DRD2: variants seen among roughly 807,000 people sequenced by gnomAD.
DRD2 encodes the protein D(2) dopamine receptor.
Under a neutral mutation model 38.0 loss-of-function variants are expected in DRD2, and 8 were observed. The observed-to-expected ratio is 0.21, with a 90% CI of 0.12 to 0.38. DRD2 has a LOEUF of 0.38. DRD2 is among the 10% of genes least tolerant of loss of function. DRD2 has a pLI of 1.00. For missense variants in DRD2, 403 were observed against 607.7 expected, an observed-to-expected ratio of 0.66 and a Z score of 3.54; for synonymous variants, 230 against 238.6, an observed-to-expected ratio of 0.96 and a Z score of 0.33.
At chr11:113,445,990 G>A (rs184500472) in intron 1 of DRD2, among the ~76,000 whole-genome samples, 277 of 152,304 alleles carry the variant, frequency 1.8e-3, no homozygotes, top group Middle Eastern at 0.017. Context: ...AGGGGCCTGG[G>A]TCCGTGAGTT....
chr11:113,457,615 G>A (rs1040708860), intron 1 of DRD2, among the ~76,000 whole-genome samples: 4 of 151,158 alleles, frequency 2.6e-5, no homozygotes, highest in Non-Finnish European at 4.4e-5. Flanking sequence ...AATGAAAAAC[G>A]AAGAAAGGGG....
At chr11:113,448,409 A>G (rs906191146) in intron 1 of DRD2, among the ~76,000 whole-genome samples, 5 of 152,190 alleles carry the variant, frequency 3.3e-5, no homozygotes, top group African/African-American at 1.2e-4. Context: ...CTCCCTGGCT[A>G]TTCTTGGAAA....
intron 6 of DRD2, chr11:113,414,063 C>T (rs1433486407): frequency 3.8e-5 from 15 of 396,594 alleles, no homozygotes; most frequent in East Asian, 5.7e-5. Context: ...CTCCCGGGGT[C>T]GTGGTGAGGA....
chr11:113,412,390 C>T (rs1243434639), intron 7 of DRD2, among the ~76,000 whole-genome samples, 166 bp downstream of exon 7: 2 of 152,164 alleles, frequency 1.3e-5, no homozygotes, highest in African/African-American at 2.4e-5. Context: ...GTAAAGTGAG[C>T]ACAATTACAG....
intron 2 of DRD2, among the ~76,000 whole-genome samples, chr11:113,423,173 T>C (rs899723316): frequency 6.6e-6 from 1 of 152,234 alleles, no homozygotes; most frequent in Non-Finnish European, 1.5e-5. Context: ...TGGAGAATAA[T>C]ATCTGCTTTG....
chr11:113,462,335 G>A (rs577882186), intron 1 of DRD2, among the ~76,000 whole-genome samples: 13 of 152,282 alleles, frequency 8.5e-5, no homozygotes, highest in Admixed American at 4.6e-4. Context: ...AAGCTCAGAA[G>A]GTGACCTCAT....
chr11:113,437,542 C>A (rs1565669677), intron 1 of DRD2, among the ~76,000 whole-genome samples: 1 of 152,232 alleles, frequency 6.6e-6, no homozygotes, highest in South Asian at 2.1e-4. Context: ...CCTCAGAATT[C>A]TAAGTGACTT....
At position 113,411,065 on chromosome 11, in the gene DRD2, C is replaced by T. The variant is rs564351080; in HGVS notation, c.1139-145G>A. 3.0e-5 allele frequency: 24 copies of T among 789,112 alleles called. No individual in the cohort carries two copies. The African/African-American group carries it at 3.8e-4, about 13-fold the overall frequency. The allele number at this position is 789,112 out of a possible 1,614,324, so 48.9% of individuals were successfully genotyped here. Reference sequence around the variant, plus strand: ...TGTAGGAGGAGTCCAGGTCTTGGATCCTAGACCTGCCTCTGACACCCATTT... The same window carrying T: ...TGTAGGAGGAGTCCAGGTCTTGGATTCTAGACCTGCCTCTGACACCCATTT... On this transcript the variant is annotated intron_variant, in intron 7 of 7. Coordinates refer to ENST00000362072, the MANE Select transcript of DRD2 (RefSeq NM_000795.4).
intron 1 of DRD2, among the ~76,000 whole-genome samples, chr11:113,470,295 A>T (rs1951411018): frequency 6.6e-6 from 1 of 152,242 alleles, no homozygotes; most frequent in Admixed American, 6.5e-5. Flanking sequence ...GACCAATAAC[A>T]AATGAACAGG....
In DRD2 at chr11:113,439,587, C is replaced by G. The variant is rs1428024031; in HGVS notation, c.-31-14905G>C. 4.4e-4 allele frequency among the ~76,000 whole-genome samples: 67 copies of G among 151,856 alleles called. 1 individual carries two copies. The highest frequency in any genetic ancestry group is 4.4e-3 in the Admixed American group (67 of 15,244). ...GGGCATGGTAGCTCACACCTGTAAT[C>G]CCAGCACTTCGAGAGGCTGAGGCAG... On this transcript the variant is annotated intron_variant, in intron 1 of 7. Transcript: ENST00000362072.
At chr11:113,456,792 T>C (rs1000503237) in intron 1 of DRD2, among the ~76,000 whole-genome samples, 3 of 152,138 alleles carry the variant, frequency 2.0e-5, no homozygotes, top group Non-Finnish European at 2.9e-5. Flanking sequence ...GCTTCAGTGT[T>C]TCAAGACGAG....
intron 1 of DRD2, among the ~76,000 whole-genome samples, chr11:113,469,358 T>C (rs1026165857): frequency 6.6e-6 from 1 of 152,222 alleles, no homozygotes; most frequent in Middle Eastern, 3.2e-3. Context: ...CTCTTCACTT[T>C]CCTGGTATCA....
intron 1 of DRD2, among the ~76,000 whole-genome samples, chr11:113,431,645 T>A (rs1438618451): frequency 6.6e-6 from 1 of 152,184 alleles, no homozygotes; most frequent in Non-Finnish European, 1.5e-5. Flanking sequence ...CAGCCTTCTA[T>A]AATAGTGGCT....
intron 1 of DRD2, among the ~76,000 whole-genome samples, chr11:113,468,729 G>A (rs1312850046): frequency 6.6e-6 from 1 of 152,104 alleles, no homozygotes; most frequent in Non-Finnish European, 1.5e-5. Flanking sequence ...GTGTGTTTTA[G>A]TAGAGATGGG....
chr11:113,472,123 A>G (rs1474477216), intron 1 of DRD2, among the ~76,000 whole-genome samples: 3 of 152,240 alleles, frequency 2.0e-5, no homozygotes, highest in Non-Finnish European at 4.4e-5. Flanking sequence ...AAGTCTCATC[A>G]TATCTGTCTC....
At chr11:113,457,875 A>T (rs1308345785) in intron 1 of DRD2, among the ~76,000 whole-genome samples, 1 of 152,224 alleles carries the variant, frequency 6.6e-6, no homozygotes, top group Non-Finnish European at 1.5e-5. Flanking sequence ...GCCAGGGCCA[A>T]TTATGTCCCA....
chr11:113,466,871 G>T (rs1406848737), intron 1 of DRD2, among the ~76,000 whole-genome samples: 1 of 152,202 alleles, frequency 6.6e-6, no homozygotes, highest in East Asian at 1.9e-4. Context: ...GAGAAGACAA[G>T]AAATGCACAA....
At chr11:113,417,952 C>T in intron 3 of DRD2, 75 bp downstream of exon 3, 1 of 1,230,936 alleles carries the variant, frequency 8.1e-7, no homozygotes, top group South Asian at 1.2e-5. Context: ...GAGACACAGC[C>T]TGGCTTTGAG....
intron 1 of DRD2, among the ~76,000 whole-genome samples, chr11:113,436,250 C>G (rs1951035112): frequency 6.6e-6 from 1 of 152,100 alleles, no homozygotes; most frequent in South Asian, 2.1e-4. Context: ...GGAATGCAAT[C>G]AGTAAAATCC....
Sources: gnomAD v4.1 joint callset for allele counts (sites outside exome capture counted in the v4.1 genomes callset) on GRCh38, gnomAD v4.1.1 for gene constraint, MANE v1.5 for transcripts, NCBI Gene and HGNC (gene_info 2026-07-23, HGNC 2026-07-21) for gene names.